KCNQ3: variants seen among roughly 807,000 people sequenced by gnomAD.
KCNQ3 encodes potassium voltage-gated channel subfamily Q member 3.
In KCNQ3, 30 loss-of-function variants were observed where a neutral mutation model predicts 92.5. The observed-to-expected ratio is 0.32, with a 90% CI of 0.24 to 0.44. The LOEUF is 0.44. Ranked by LOEUF, KCNQ3 falls within the 20% of genes least tolerant of loss-of-function variation. The pLI is 1.00. For synonymous variants in KCNQ3, 450 were observed against 468.8 expected (o/e 0.96, Z 0.52); for missense variants, 913 against 1,140.3 (o/e 0.80, Z 2.87).
chr8:132,197,481 G>A (rs1029233693), intron 1 of KCNQ3, among the ~76,000 whole-genome samples: 1 of 152,160 alleles, frequency 6.6e-6, no homozygotes, highest in African/African-American at 2.4e-5. Flanking sequence ...CTTTCTCCCT[G>A]CAGGCTAGAG....
intron 1 of KCNQ3, among the ~76,000 whole-genome samples, chr8:132,346,564 T>C (rs1391357734): frequency 6.6e-6 from 1 of 152,178 alleles, no homozygotes; most frequent in Non-Finnish European, 1.5e-5. Flanking sequence ...TGCCATTTCT[T>C]TGCCCTCTTC....
At chr8:132,262,881 T>C (rs549119643) in intron 1 of KCNQ3, among the ~76,000 whole-genome samples, 14 of 152,332 alleles carry the variant, frequency 9.2e-5, no homozygotes, top group African/African-American at 2.9e-4. Flanking sequence ...TCTTACTATG[T>C]GACATTGATC....
In KCNQ3 at chr8:132,278,057, A is replaced by G. The variant is rs974595962; in HGVS notation, c.387-91876T>C. The G allele has an allele frequency of 7.9e-5, 78 of 985,224 alleles. No homozygotes were observed. The African/African-American group carries it at 1.4e-3, about 17-fold the overall frequency. The allele number at this position is 985,224 out of a possible 1,614,324, so 61.0% of individuals were successfully genotyped here. ...GCTCAGATTCAAACAAGTCAGGAGG[A>G]CACAATTACACCAAAATCTGTCCAT... On this transcript the variant is annotated intron_variant, in intron 1 of 14. Coordinates refer to ENST00000388996, the MANE Select transcript of KCNQ3 (RefSeq NM_004519.4).
intron 1 of KCNQ3, among the ~76,000 whole-genome samples, chr8:132,464,098 T>C (rs944648526): frequency 6.6e-6 from 1 of 152,208 alleles, no homozygotes; most frequent in African/African-American, 2.4e-5. Flanking sequence ...GGCAGGAGAA[T>C]CGCTTGACAT....
At chr8:132,345,243 G>A (rs60112392) in intron 1 of KCNQ3, among the ~76,000 whole-genome samples, 2,041 of 152,224 alleles carry the variant, frequency 0.013, 48 homozygotes, top group African/African-American at 0.047. Flanking sequence ...TTTCTCTCAC[G>A]TATGAAATGG....
In KCNQ3 at chr8:132,129,970, G is replaced by A. The variant is rs756450456; in HGVS notation, c.1911C>T (p.Asp637=). The A allele has an allele frequency of 1.9e-6, 3 of 1,613,786 alleles. No homozygotes were observed. Among genetic ancestry groups the A allele is most frequent in the East Asian group, 2.2e-5 (1 of 44,888 alleles). ...RQVQDMGKKL[D]FLVDMHMQHM... is the part of the protein sequence containing the mutation. The stretch of plus-strand genomic sequence containing the variant: ...GTTGCATGTGCATATCCACGAGGAA[G>A]TCCAGCTTCTTCCCCATGTCCTGAA... The change falls in exon 15 of 15, where the codon GAC becomes GAT. Residue 637 remains aspartate, a synonymous_variant. Coordinates refer to ENST00000388996, the MANE Select transcript of KCNQ3 (RefSeq NM_004519.4). This position sits in a 1 kb window ranked among gnomAD's most constrained non-coding sequence, Gnocchi z 5.9.
At chr8:132,469,090 T>C (rs2673557) in intron 1 of KCNQ3, among the ~76,000 whole-genome samples, 48,025 of 152,096 alleles carry the variant, frequency 0.32, 8,784 homozygotes, top group Middle Eastern at 0.42. Flanking sequence ...TGACTTCAAT[T>C]TTCTTATCTC....
At chr8:132,393,151 T>C (rs906006958) in intron 1 of KCNQ3, among the ~76,000 whole-genome samples, 2 of 152,216 alleles carry the variant, frequency 1.3e-5, no homozygotes, top group Non-Finnish European at 2.9e-5. Context: ...TCTGTTTAAA[T>C]GCCACCTCAA....
chr8:132,140,696 C>T (rs554153688), intron 10 of KCNQ3: 17 of 258,076 alleles, frequency 6.6e-5, no homozygotes, highest in African/African-American at 3.8e-4. Flanking sequence ...CATGTCCTCC[C>T]TTTGCATAAG....
intron 1 of KCNQ3, among the ~76,000 whole-genome samples, chr8:132,224,432 T>A (rs1352385058): frequency 1.3e-5 from 2 of 152,108 alleles, no homozygotes; most frequent in Non-Finnish European, 2.9e-5. Flanking sequence ...AGTGTCTATA[T>A]GTACTTGAAA....
intron 1 of KCNQ3, among the ~76,000 whole-genome samples, chr8:132,241,856 A>G (rs1207976900): frequency 6.6e-6 from 1 of 152,104 alleles, no homozygotes; most frequent in East Asian, 1.9e-4. Flanking sequence ...AAAACAAAAC[A>G]AAACAAAAAA....
chr8:132,276,188 C>T (rs1816324833), intron 1 of KCNQ3, among the ~76,000 whole-genome samples: 1 of 152,162 alleles, frequency 6.6e-6, no homozygotes, highest in South Asian at 2.1e-4. Flanking sequence ...TGAAAATAAT[C>T]CTAGCAGCTA....
intron 1 of KCNQ3, among the ~76,000 whole-genome samples, chr8:132,355,495 G>A (rs1299732529): frequency 6.6e-6 from 1 of 152,114 alleles, no homozygotes; most frequent in Non-Finnish European, 1.5e-5. Flanking sequence ...ATGTAACCCT[G>A]AGTCTGCCAA....
intron 9 of KCNQ3, among the ~76,000 whole-genome samples, chr8:132,144,256 C>T (rs1158443094): frequency 1.3e-5 from 2 of 152,182 alleles, no homozygotes; most frequent in Non-Finnish European, 2.9e-5. Flanking sequence ...CAGAATTGCT[C>T]ACAGCCATTG....
intron 1 of KCNQ3, among the ~76,000 whole-genome samples, chr8:132,200,009 T>C (rs1251893629): frequency 6.6e-6 from 1 of 152,170 alleles, no homozygotes; most frequent in Non-Finnish European, 1.5e-5. Flanking sequence ...TGTTCCTTCT[T>C]ATTGTATAAT....
chr8:132,411,228 G>T (rs72721060), intron 1 of KCNQ3, among the ~76,000 whole-genome samples: 2 of 152,176 alleles, frequency 1.3e-5, no homozygotes, highest in Admixed American at 1.3e-4. Context: ...TGTTGCCTGA[G>T]GGAGGTGAGA....
intron 1 of KCNQ3, among the ~76,000 whole-genome samples, chr8:132,315,773 T>C (rs1817726177): frequency 6.6e-6 from 1 of 152,218 alleles, no homozygotes; most frequent in East Asian, 1.9e-4. Flanking sequence ...TGAAGTCATA[T>C]CCTTCACTTT....
intron 1 of KCNQ3, among the ~76,000 whole-genome samples, chr8:132,262,294 T>G (rs1815813456): frequency 6.6e-6 from 1 of 152,220 alleles, no homozygotes; most frequent in African/African-American, 2.4e-5. Flanking sequence ...TGTCTAAATT[T>G]GACTTTAGTT....
At chr8:132,280,013 A>T (rs1816464336) in intron 1 of KCNQ3, among the ~76,000 whole-genome samples, 1 of 152,174 alleles carries the variant, frequency 6.6e-6, no homozygotes, top group Non-Finnish European at 1.5e-5. Context: ...TTTACTGAGA[A>T]CTCAACTTAT....
Sources: gnomAD v4.1 joint callset for allele counts (sites outside exome capture counted in the v4.1 genomes callset) on GRCh38, gnomAD v4.1.1 for gene constraint, Gnocchi (gnomAD v3.1) non-coding constraint, MANE v1.5 for transcripts, NCBI Gene and HGNC (gene_info 2026-07-23, HGNC 2026-07-21) for gene names.